The following KIF26A variants were observed in gnomAD, a reference collection of about 807,000 sequenced individuals.
The protein encoded by KIF26A is kinesin-like protein KIF26A.
Under a neutral mutation model 126.0 loss-of-function variants are expected in KIF26A, and 74 were observed. That is an observed-to-expected ratio of 0.59 (90% confidence interval 0.49 to 0.71). The LOEUF (loss-of-function observed/expected upper bound fraction) is 0.71. Ranked by LOEUF, KIF26A falls within the 30% of genes least tolerant of loss-of-function variation. The pLI, the probability that KIF26A is intolerant of heterozygous loss-of-function variation, is 0.00. For synonymous variants in KIF26A, 1,445 were observed against 1,232.7 expected, an observed-to-expected ratio of 1.17 and a Z score of -3.61; for missense variants, 2,984 against 2,763.3, an observed-to-expected ratio of 1.08 and a Z score of -1.79.
In KIF26A at chr14:104,176,723, C is replaced by A; in HGVS notation, c.3935C>A (p.Thr1312Lys). Residue 1312 changes from threonine (T) to lysine (K), a missense_variant, in exon 12 of 15, where the codon ACG becomes AAG. Physicochemically the swap from Thr to Lys is moderately conservative, Grantham distance 78. Coordinates refer to ENST00000423312, the MANE Select transcript of KIF26A (RefSeq NM_015656.2). ...RIPPLRRGAT[T>K]LGVTTPAVSW... Reference sequence around the variant, plus strand: ...CCACCGCTGCGGAGGGGTGCCACCACGCTGGGTGTGACAACGCCAGCTGTG... The same window carrying A: ...CCACCGCTGCGGAGGGGTGCCACCAAGCTGGGTGTGACAACGCCAGCTGTG... 1 of 1,585,866 alleles carries A rather than the reference C, an allele frequency of 6.3e-7. No individual in the cohort carries two copies. The highest frequency in any genetic ancestry group is 1.1e-5 in the South Asian group (1 of 87,802).
rs775651713 is a variant in KIF26A at position 104,175,467 on chromosome 14, G to C, written c.2679G>C (p.Pro893=). The change falls in exon 12 of 15, where the codon CCG becomes CCC. Residue 893 remains proline (P), a synonymous_variant. Transcript: ENST00000423312. The part of the protein sequence containing the change: ...AASPRKAVGT[P]MAASTPRGSS... ...CCCCCAGGAAGGCCGTGGGCACCCCGATGGCTGCCAGCACCCCTCGAGGCA... is the reference window on the plus strand; with the variant it reads ...CCCCCAGGAAGGCCGTGGGCACCCCCATGGCTGCCAGCACCCCTCGAGGCA... 4 of 1,591,974 alleles carry C rather than the reference G, an allele frequency of 2.5e-6. No individual in the cohort carries two copies. Among genetic ancestry groups the C allele is most frequent in the Admixed American group, 1.7e-5 (1 of 58,848 alleles).
At chr14:104,138,929 G>A (rs1021628836) in intron 1 of KIF26A, 114 bp from the exon 2 acceptor site, 5 of 1,281,178 alleles carry the variant, frequency 3.9e-6, no homozygotes, top group East Asian at 3.2e-5. Flanking sequence ...CGCCAGGGTC[G>A]TGCCCAGGGC....
At chr14:104,172,074 T>G (rs572386592) in intron 6 of KIF26A, 139 bp downstream of exon 6, 100 of 818,396 alleles carry the variant, frequency 1.2e-4, no homozygotes, top group African/African-American at 1.0e-3. Context: ...CTGCGGCGCC[T>G]GCCTGCTTAC....
intron 2 of KIF26A, among the ~76,000 whole-genome samples, chr14:104,140,168 C>T (rs1004255133): frequency 2.6e-5 from 4 of 152,164 alleles, no homozygotes; most frequent in African/African-American, 9.7e-5. Flanking sequence ...CCCTGACTGC[C>T]CTGTCTGGGG....
rs377691912 is a variant in KIF26A at position 104,174,231 on chromosome 14, C to T, written c.2114C>T (p.Ala705Val). ...RTTMIAHVSD[A>V]PAQHAETLST... ...ACCATGATCGCCCACGTGTCGGATG[C>T]GCCAGCCCAGCACGCAGAGACACTC... Residue 705 changes from alanine (A) to valine (V), a missense_variant, in exon 11 of 15, where the codon GCG becomes GTG. Ala to Val is a moderately conservative substitution (Grantham distance 64, BLOSUM62 0). Transcript: ENST00000423312. 2.2e-5 allele frequency: 35 copies of T among 1,579,256 alleles called. No homozygotes were observed. The highest frequency in any genetic ancestry group is 1.6e-4 in the East Asian group (7 of 42,806).
intron 2 of KIF26A, among the ~76,000 whole-genome samples, chr14:104,144,223 G>A (rs1328778568): frequency 1.3e-5 from 2 of 152,228 alleles, no homozygotes; most frequent in Non-Finnish European, 1.5e-5. Context: ...GAGGACTTGA[G>A]CTTGAGGGAT....
chr14:104,166,417 A>G (rs2037903168), intron 4 of KIF26A, among the ~76,000 whole-genome samples: 1 of 152,118 alleles, frequency 6.6e-6, no homozygotes, highest in African/African-American at 2.4e-5. Flanking sequence ...GTAGAAACTG[A>G]GGCATAGGCA....
chr14:104,167,152 G>A, intron 5 of KIF26A, 104 bp downstream of exon 5: 1 of 1,258,674 alleles, frequency 7.9e-7, no homozygotes, highest in Non-Finnish European at 1.1e-6. Context: ...TCCTTCTCTG[G>A]GTTGGATAAG....
intron 2 of KIF26A, among the ~76,000 whole-genome samples, chr14:104,145,283 C>T (rs2037670441): frequency 6.6e-6 from 1 of 152,248 alleles, no homozygotes; most frequent in African/African-American, 2.4e-5. Flanking sequence ...GCCATAGCTG[C>T]CTCTCCAGGA....
At position 104,176,978 on chromosome 14, in the gene KIF26A, G is replaced by A. The variant is rs1330996978; in HGVS notation, c.4190G>A (p.Arg1397Gln). 4 of 1,538,022 alleles carry A rather than the reference G, an allele frequency of 2.6e-6. No homozygotes were observed. The highest frequency in any genetic ancestry group is 2.0e-5 in the Admixed American group (1 of 51,198). Reference protein sequence around the residue: ...PARVGAAAVLRGEEEPRPSSR... With the variant: ...PARVGAAAVLQGEEEPRPSSR... The stretch of plus-strand genomic sequence containing the variant: ...CGGGTCGGGGCTGCTGCTGTCCTTC[G>A]AGGGGAGGAGGAGCCCAGACCCAGC... The change falls in exon 12 of 15, where the codon CGA (arginine) becomes CAA (glutamine). Residue 1397 changes from arginine to glutamine, a missense_variant. Arg to Gln is a conservative substitution (Grantham distance 43). Coordinates refer to ENST00000423312, the MANE Select transcript of KIF26A (RefSeq NM_015656.2).
At chr14:104,145,803 C>G (rs1475080785) in intron 2 of KIF26A, among the ~76,000 whole-genome samples, 3 of 152,222 alleles carry the variant, frequency 2.0e-5, no homozygotes, top group Non-Finnish European at 4.4e-5. Context: ...CTTGACCTAG[C>G]CTGTGGGGGC....
At chr14:104,159,611 C>T (rs1228544879) in intron 4 of KIF26A, among the ~76,000 whole-genome samples, 2 of 152,234 alleles carry the variant, frequency 1.3e-5, no homozygotes, top group Non-Finnish European at 2.9e-5. Flanking sequence ...TGGGAAGTTA[C>T]CATAGAAACC....
At chr14:104,145,223 T>C (rs908905492) in intron 2 of KIF26A, among the ~76,000 whole-genome samples, 2 of 152,228 alleles carry the variant, frequency 1.3e-5, no homozygotes, top group Admixed American at 1.3e-4. Context: ...TCAGGGTCAC[T>C]TTTCCTTCCA....
chr14:104,178,327 A>T (rs1196312251), intron 12 of KIF26A, among the ~76,000 whole-genome samples: 1 of 152,082 alleles, frequency 6.6e-6, no homozygotes, highest in Non-Finnish European at 1.5e-5. Context: ...TGGCAGGGAA[A>T]GTGGGAGGCC....
At chr14:104,140,511 G>T (rs935045810) in intron 2 of KIF26A, among the ~76,000 whole-genome samples, 2 of 152,236 alleles carry the variant, frequency 1.3e-5, no homozygotes, top group Non-Finnish European at 2.9e-5. Flanking sequence ...GGGGCATTAA[G>T]ATTGAGCTGG....
At chr14:104,173,264 T>A in intron 8 of KIF26A, 25 bp downstream of exon 8, 1 of 1,602,476 alleles carries the variant, frequency 6.2e-7, no homozygotes. Flanking sequence ...TGTCCCACCT[T>A]GGGGGAGGGG....
At chr14:104,178,024 C>G in intron 12 of KIF26A, 126 bp downstream of exon 12, 6 of 1,105,500 alleles carry the variant, frequency 5.4e-6, no homozygotes, top group Admixed American at 3.3e-5. Flanking sequence ...AGGTCCCAGA[C>G]CCACACAGCC....
chr14:104,141,584 C>T (rs2037637507), intron 2 of KIF26A, among the ~76,000 whole-genome samples: 1 of 150,754 alleles, frequency 6.6e-6, no homozygotes. Flanking sequence ...TAGAGGGAGG[C>T]GTAGAGGGTC....
intron 3 of KIF26A, among the ~76,000 whole-genome samples, chr14:104,156,790 C>T (rs952716559): frequency 1.3e-5 from 2 of 152,322 alleles, no homozygotes; most frequent in Middle Eastern, 3.4e-3. Context: ...GGACGCTGGG[C>T]CTTCCAGACC....
Sources: gnomAD v4.1 joint callset for allele counts (sites outside exome capture counted in the v4.1 genomes callset) on GRCh38, gnomAD v4.1.1 for gene constraint, MANE v1.5 for transcripts, NCBI Gene and HGNC (gene_info 2026-07-23, HGNC 2026-07-21) for gene names.